The following THSD4 variants were observed in gnomAD, a reference collection of about 807,000 sequenced individuals.
The protein encoded by THSD4 is thrombospondin type 1 domain containing 4, also known as thrombospondin type-1 domain-containing protein 4.
Under a neutral mutation model 119.0 loss-of-function variants are expected in THSD4, and 69 were observed. The observed-to-expected ratio is 0.58, with a 90% CI of 0.48 to 0.71. The LOEUF (loss-of-function observed/expected upper bound fraction) is 0.71. Among genes scored for constraint, THSD4 ranks in the 30% least tolerant of loss-of-function variants. The probability of loss-of-function intolerance (pLI) is 0.00; values close to 1 mark genes in which losing one functional copy is unlikely to be tolerated. For missense variants in THSD4, 1,393 were observed against 1,391.1 expected, an observed-to-expected ratio of 1.00 and a Z score of -0.02; for synonymous variants, 524 against 540.4, an observed-to-expected ratio of 0.97 and a Z score of 0.42.
intron 6 of THSD4, chr15:71,341,635 A>T: frequency 6.4e-7 from 1 of 1,567,382 alleles, no homozygotes; most frequent in East Asian, 2.2e-5. Context: ...GAGTGTTCTT[A>T]AAGTGAACAC....
chr15:71,406,061 C>T (rs2046601205), intron 6 of THSD4, among the ~76,000 whole-genome samples: 1 of 152,038 alleles, frequency 6.6e-6, no homozygotes, highest in African/African-American at 2.4e-5. Context: ...TTACAGGTTA[C>T]ACGCATGAGC....
At chr15:71,250,815 A>T (rs7164544) in intron 5 of THSD4, among the ~76,000 whole-genome samples, 99,492 of 151,984 alleles carry the variant, frequency 0.65, 33,127 homozygotes, top group African/African-American at 0.77. Context: ...CCTGGGTGAA[A>T]GGCTGGGCTT....
intron 15 of THSD4, among the ~76,000 whole-genome samples, chr15:71,761,675 G>A (rs2141202275): frequency 6.6e-6 from 1 of 152,230 alleles, no homozygotes; most frequent in East Asian, 1.9e-4. Context: ...TTTTATTGGT[G>A]TCTTTGCCAG....
intron 7 of THSD4, among the ~76,000 whole-genome samples, chr15:71,558,184 C>T (rs1399162518): frequency 6.6e-6 from 1 of 152,040 alleles, no homozygotes; most frequent in East Asian, 1.9e-4. Context: ...AAAAATTAAC[C>T]AGGCATGGTG....
At chr15:71,165,599 A>G (rs2043287706) in intron 3 of THSD4, among the ~76,000 whole-genome samples, 1 of 151,930 alleles carries the variant, frequency 6.6e-6, no homozygotes, top group African/African-American at 2.4e-5. Context: ...GTTGGTCGGG[A>G]ATGGTATGTT....
chr15:71,232,167 C>T (rs1005318402), intron 4 of THSD4, among the ~76,000 whole-genome samples: 4 of 152,140 alleles, frequency 2.6e-5, no homozygotes, highest in African/African-American at 9.7e-5. Flanking sequence ...TCTAGGTAGC[C>T]ACTGGCTGCT....
At position 71,746,967 on chromosome 15, in the gene THSD4, G is replaced by A. The variant is rs1438133051; in HGVS notation, c.2166G>A (p.Leu722=). 2 of 1,613,568 alleles carry A rather than the reference G, an allele frequency of 1.2e-6. No individual in the cohort carries two copies. The highest frequency in any genetic ancestry group is 1.7e-6 in the Non-Finnish European group (2 of 1,180,016). Residue 722 remains leucine, a synonymous_variant, in exon 13 of 18, where the codon CTG becomes CTA. Coordinates refer to ENST00000261862, the MANE Select transcript of THSD4 (RefSeq NM_024817.3). ...TGCAGCCCTACCGCTGCCAGCACCT[G>A]GAGAAACCTGAGACCACCAGCACCT... is the stretch of plus-strand genomic sequence containing the variant. ...LTVQPYRCQH[L]EKPETTSTCQ...
At chr15:71,167,484 G>A (rs559003207) in intron 3 of THSD4, among the ~76,000 whole-genome samples, 7 of 152,210 alleles carry the variant, frequency 4.6e-5, no homozygotes, top group South Asian at 2.1e-4. Flanking sequence ...GCAAGTATAC[G>A]TGTTTTGGAA....
intron 6 of THSD4, among the ~76,000 whole-genome samples, chr15:71,402,745 C>T (rs1013845775): frequency 7.9e-5 from 12 of 152,156 alleles, no homozygotes; most frequent in African/African-American, 2.7e-4. Flanking sequence ...CACCTATGAG[C>T]CAGCTCCTAA....
chr15:71,300,915 A>T (rs143833561), intron 6 of THSD4, among the ~76,000 whole-genome samples: 125 of 152,262 alleles, frequency 8.2e-4, no homozygotes, highest in African/African-American at 2.7e-3. Flanking sequence ...TTTTGCTGAG[A>T]TTTTATCGTT....
intron 6 of THSD4, among the ~76,000 whole-genome samples, chr15:71,294,546 TC>T (rs2044836847): frequency 6.6e-6 from 1 of 152,064 alleles, no homozygotes; most frequent in Non-Finnish European, 1.5e-5. Flanking sequence ...GCCTGAATGT[TC>T]CCCATCCGGA....
At chr15:71,170,932 C>T (rs1388471679) in intron 3 of THSD4, among the ~76,000 whole-genome samples, 1 of 151,902 alleles carries the variant, frequency 6.6e-6, no homozygotes, top group Non-Finnish European at 1.5e-5. Flanking sequence ...GCAGATTAGA[C>T]ATTGCAGAAG....
At chr15:71,132,874 C>T (rs2040516487) in intron 1 of THSD4, among the ~76,000 whole-genome samples, 1 of 152,248 alleles carries the variant, frequency 6.6e-6, no homozygotes, top group African/African-American at 2.4e-5. Context: ...CATTTGTAGG[C>T]AGCAGAACTG....
At chr15:71,660,770 C>A (rs912645033) in intron 8 of THSD4, 36 bp downstream of exon 8, 6 of 1,609,938 alleles carry the variant, frequency 3.7e-6, no homozygotes, top group African/African-American at 2.7e-5. Flanking sequence ...AACCGTCTGT[C>A]CCTGCCAGAT....
At chr15:71,401,024 G>A (rs2046525000) in intron 6 of THSD4, among the ~76,000 whole-genome samples, 2 of 152,094 alleles carry the variant, frequency 1.3e-5, no homozygotes, top group Non-Finnish European at 2.9e-5. Flanking sequence ...AAATGACAGT[G>A]GGAGAATGTG....
At chr15:71,688,083 C>G (rs574289561) in intron 8 of THSD4, among the ~76,000 whole-genome samples, 2 of 152,302 alleles carry the variant, frequency 1.3e-5, no homozygotes, top group South Asian at 4.1e-4. Context: ...AATGAAAAAG[C>G]TCCTTGAGCA....
chr15:71,498,937 T>C (rs1041987163), intron 7 of THSD4, among the ~76,000 whole-genome samples: 2 of 150,814 alleles, frequency 1.3e-5, no homozygotes, highest in African/African-American at 4.9e-5. Flanking sequence ...ACTCCTGAAC[T>C]CAAGCAGTCC....
chr15:71,633,269 CTT>C (rs67682951), intron 7 of THSD4, among the ~76,000 whole-genome samples: 641 of 63,132 alleles, frequency 0.01, 2 homozygotes, highest in African/African-American at 0.023. Flanking sequence ...TTCTTTCTTT[CTT>C]TTTTTTTTTT....
At chr15:71,134,047 C>T (rs915238603) in intron 1 of THSD4, among the ~76,000 whole-genome samples, 2 of 152,332 alleles carry the variant, frequency 1.3e-5, no homozygotes, top group African/African-American at 4.8e-5. Context: ...AATCCAGATT[C>T]TGTGGGTTTT....
Sources: gnomAD v4.1 joint callset for allele counts (sites outside exome capture counted in the v4.1 genomes callset) on GRCh38, gnomAD v4.1.1 for gene constraint, MANE v1.5 for transcripts, NCBI Gene and HGNC (gene_info 2026-07-23, HGNC 2026-07-21) for gene names.